C12orf50: variants seen among roughly 807,000 people sequenced by gnomAD.
The protein encoded by C12orf50 is uncharacterized protein C12orf50.
A neutral mutation model predicts 61.6 loss-of-function variants in C12orf50; 35 were observed. That is an observed-to-expected ratio of 0.57 (90% CI 0.43 to 0.75). C12orf50 has a LOEUF of 0.75. C12orf50 is among the 30% of genes least tolerant of loss of function. The pLI, the probability that C12orf50 is intolerant of heterozygous loss-of-function variation, is 0.00. For missense variants in C12orf50, 475 were observed against 488.5 expected, an observed-to-expected ratio of 0.97 and a Z score of 0.26; for synonymous variants, 178 against 161.5, an observed-to-expected ratio of 1.10 and a Z score of -0.77.
intron 3 of C12orf50, among the ~76,000 whole-genome samples, chr12:88,019,951 G>A (rs1308068152): frequency 2.6e-5 from 4 of 152,156 alleles, no homozygotes; most frequent in Non-Finnish European, 5.9e-5. Context: ...AACTGCATAA[G>A]TGAAGGATAA....
intron 3 of C12orf50, among the ~76,000 whole-genome samples, chr12:88,011,557 A>G (rs750960927): frequency 6.6e-6 from 1 of 152,230 alleles, no homozygotes; most frequent in African/African-American, 2.4e-5. Context: ...TGCAGGTACT[A>G]TTACTATCTC....
chr12:88,023,250 A>C (rs1311875192), intron 3 of C12orf50, among the ~76,000 whole-genome samples: 1 of 152,174 alleles, frequency 6.6e-6, no homozygotes, highest in East Asian at 1.9e-4. Flanking sequence ...AAAAATAAGA[A>C]ACAGGGAGAG....
intron 3 of C12orf50, among the ~76,000 whole-genome samples, chr12:88,016,455 T>C (rs979244815): frequency 2.6e-5 from 4 of 152,186 alleles, no homozygotes; most frequent in Non-Finnish European, 5.9e-5. Context: ...ATAGGAAATA[T>C]TAGGTCTGCC....
At chr12:88,019,813 G>A (rs554581768) in intron 3 of C12orf50, among the ~76,000 whole-genome samples, 15 of 152,160 alleles carry the variant, frequency 9.9e-5, no homozygotes, top group African/African-American at 3.1e-4. Context: ...CCTACAAAGC[G>A]AAGTCCATCA....
chr12:88,014,036 G>A (rs1219108692), intron 3 of C12orf50, among the ~76,000 whole-genome samples: 1 of 152,178 alleles, frequency 6.6e-6, no homozygotes, highest in Non-Finnish European at 1.5e-5. Flanking sequence ...TTATTCAATG[G>A]AAGTACACAT....
chr12:87,985,039 G>T (rs189299881), intron 11 of C12orf50: 143 of 151,612 alleles, frequency 9.4e-4, no homozygotes, highest in African/African-American at 3.2e-3. Context: ...AATTGTAAAA[G>T]AAATATATAT....
intron 8 of C12orf50, 82 bp downstream of exon 8, chr12:87,989,182 A>G (rs1391377227): frequency 5.3e-6 from 5 of 935,242 alleles, no homozygotes; most frequent in South Asian, 4.7e-5. Context: ...CCATTCCTCT[A>G]TTGGTTTTTA....
intron 9 of C12orf50, among the ~76,000 whole-genome samples, 164 bp downstream of exon 9, chr12:87,987,686 G>A (rs1379657274): frequency 6.6e-6 from 1 of 151,954 alleles, no homozygotes; most frequent in Non-Finnish European, 1.5e-5. Context: ...ACAGCTCATT[G>A]TCAGAGTTAG....
upstream of C12orf50, among the ~76,000 whole-genome samples, chr12:88,029,753 A>T (rs2136515637): frequency 6.6e-6 from 1 of 152,268 alleles, no homozygotes; most frequent in East Asian, 1.9e-4. Context: ...ATATTCTAAG[A>T]TAATAAAAAC....
chr12:88,023,890 A>G (rs1592687369), intron 3 of C12orf50, among the ~76,000 whole-genome samples: 2 of 152,182 alleles, frequency 1.3e-5, no homozygotes, highest in Non-Finnish European at 2.9e-5. Flanking sequence ...TGCAAACTAT[A>G]TATCCAACAA....
In C12orf50 at chr12:87,989,810, A is replaced by G. The variant is rs939027942; in HGVS notation, c.593-439T>C. Among the ~76,000 whole-genome samples, 4 of 152,240 alleles carry G rather than the reference A, an allele frequency of 2.6e-5. No individual in the cohort carries two copies. In the East Asian group the frequency reaches 7.7e-4, roughly 29 times the overall value. On this transcript the variant is annotated intron_variant, in intron 7 of 12. Transcript: ENST00000298699. The stretch of plus-strand genomic sequence containing the variant: ...ATACAAAATTCCAAAATTCTTCACC[A>G]TACATTACCTTTTCTTAACATATTT...
chr12:87,988,535 T>C (rs1429603533), intron 8 of C12orf50, among the ~76,000 whole-genome samples: 1 of 152,188 alleles, frequency 6.6e-6, no homozygotes, highest in African/African-American at 2.4e-5. Context: ...GTGGCTACCA[T>C]ATTAGTATAG....
chr12:88,028,619 G>T (rs560326981), intron 1 of C12orf50, among the ~76,000 whole-genome samples: 1 of 151,928 alleles, frequency 6.6e-6, no homozygotes, highest in Non-Finnish European at 1.5e-5. Context: ...CAGTAATTGG[G>T]TTAATAAATT....
At chr12:87,996,690 T>A (rs781499904) in intron 4 of C12orf50, 44 bp from the exon 5 acceptor site, 1 of 1,433,302 alleles carries the variant, frequency 7.0e-7, no homozygotes, top group South Asian at 1.2e-5. Context: ...CCAAAGCCAA[T>A]TAATCTGAAA....
At position 87,985,884 on chromosome 12, in the gene C12orf50, A is replaced by G. The variant is rs1240679095; in HGVS notation, c.1092T>C (p.His364=). The change falls in exon 11 of 13, where the codon CAT becomes CAC. Residue 364 remains histidine (H), a synonymous_variant. Coordinates refer to ENST00000298699, the MANE Select transcript of C12orf50 (RefSeq NM_152589.3). The part of the protein sequence containing the change: ...RPTHGSYNKV[H]ANREPKPNLS... ...GGTTGGGTTTGGGTTCCCTGTTAGC[A>G]TGGACTTTATTGTAGGACCCATGCG... is the stretch of plus-strand genomic sequence containing the variant. 1 of 1,613,284 alleles carries G rather than the reference A, an allele frequency of 6.2e-7. No homozygotes were observed. Among genetic ancestry groups the G allele is most frequent in the Non-Finnish European group, 8.5e-7 (1 of 1,179,848 alleles).
intron 7 of C12orf50, among the ~76,000 whole-genome samples, chr12:87,993,154 A>T (rs2031206570): frequency 6.6e-6 from 1 of 152,204 alleles, no homozygotes; most frequent in Non-Finnish European, 1.5e-5. Flanking sequence ...TATTAATATT[A>T]GGCTAATGAC....
At chr12:88,001,078 A>T (rs2031636180) in intron 3 of C12orf50, among the ~76,000 whole-genome samples, 1 of 151,660 alleles carries the variant, frequency 6.6e-6, no homozygotes, top group Non-Finnish European at 1.5e-5. Flanking sequence ...TCTTCTTCCC[A>T]ATCTTAGGGG....
rs572231858 is a variant in C12orf50, at chr12:87,993,088, T to C, written c.592+1545A>G. On this transcript the variant is annotated intron_variant, in intron 7 of 12. Coordinates refer to ENST00000298699, the MANE Select transcript of C12orf50 (RefSeq NM_152589.3). ...GAACTTAGTATACCAGATAATGGAATTTTTTAAATATTCTTTTAGTATGGT... is the reference window on the plus strand; with the variant it reads ...GAACTTAGTATACCAGATAATGGAACTTTTTAAATATTCTTTTAGTATGGT... 3.9e-5 allele frequency among the ~76,000 whole-genome samples: 6 copies of C among 152,266 alleles called. No individual in the cohort carries two copies. The South Asian group carries it at 1.2e-3, about 32-fold the overall frequency.
At chr12:87,985,697 A>G in intron 11 of C12orf50, 153 bp downstream of exon 11, 3 of 726,164 alleles carry the variant, frequency 4.1e-6, no homozygotes, top group East Asian at 2.6e-5. Flanking sequence ...AGGACTGCAC[A>G]TGGAAGAAAT....
Sources: gnomAD v4.1 joint callset for allele counts (sites outside exome capture counted in the v4.1 genomes callset) on GRCh38, gnomAD v4.1.1 for gene constraint, MANE v1.5 for transcripts, NCBI Gene and HGNC (gene_info 2026-07-23, HGNC 2026-07-21) for gene names.